The following DMD variants were observed in gnomAD, a reference collection of about 807,000 sequenced individuals.
DMD encodes the protein dystrophin, also known as mutant dystrophin.
A neutral mutation model predicts 330.1 loss-of-function variants in DMD; 63 were observed. The ratio of observed to expected loss-of-function variants is 0.19; its 90% CI spans 0.16 to 0.24. The LOEUF (loss-of-function observed/expected upper bound fraction) is 0.24, where lower values mean the gene tolerates loss of function less well. DMD is among the 10% of genes least tolerant of loss of function. The probability of loss-of-function intolerance (pLI) is 1.00; values close to 1 mark genes in which losing one functional copy is unlikely to be tolerated. For missense variants in DMD, 3,344 were observed against 2,684.1 expected (o/e 1.25, Z -5.43); for synonymous variants, 1,223 against 959.8 (o/e 1.27, Z -5.07).
At position 32,887,770 on chromosome X, in the gene DMD, A is replaced by AAAAAAAAAAAC. The variant is rs1383701636; in HGVS notation, c.94-37951_94-37950insGTTTTTTTTTT. Among the ~76,000 whole-genome samples, 292 of 70,329 alleles carry AAAAAAAAAAAC rather than the reference A, an allele frequency of 4.2e-3. 36 individuals are homozygous for AAAAAAAAAAAC. The highest frequency in any genetic ancestry group is 5.7e-3 in the Non-Finnish European group (199 of 34,615). 61.1% of individuals were successfully genotyped at this position (70,329 alleles called of 115,157 possible). On this transcript the variant is annotated intron_variant, in intron 2 of 78. Coordinates refer to ENST00000357033, the MANE Select transcript of DMD (RefSeq NM_004006.3). The stretch of plus-strand genomic sequence containing the variant: ...CAAAAAAAAAAAAAAAAAAAAAAAA[A>AAAAAAAAAAAC]AAAAAACATCAACTAAAAGCTTATG...
intron 55 of DMD, among the ~76,000 whole-genome samples, chrX:31,574,906 T>C (rs376968235): frequency 1.8e-5 from 2 of 112,128 alleles, no homozygotes; most frequent in East Asian, 2.8e-4. Flanking sequence ...GAAAATGCTA[T>C]GTTCAAATGA....
chrX:32,807,954 A>T (rs1264291215), intron 7 of DMD, among the ~76,000 whole-genome samples: 1 of 112,384 alleles, frequency 8.9e-6, no homozygotes, highest in African/African-American at 3.2e-5. Context: ...AATAAAAAAC[A>T]AACATATTAA....
intron 60 of DMD, among the ~76,000 whole-genome samples, chrX:31,389,633 A>T (rs912010308): frequency 6.2e-5 from 7 of 112,345 alleles, no homozygotes; most frequent in African/African-American, 2.3e-4. Context: ...GCCCTACTTC[A>T]CACAGTTAGG....
intron 1 of DMD, among the ~76,000 whole-genome samples, chrX:33,160,731 G>A (rs2048730448): frequency 1.8e-5 from 2 of 111,474 alleles, no homozygotes; most frequent in South Asian, 3.8e-4. Context: ...CTCTCAAAGG[G>A]TGTTGAGTAG....
chrX:32,686,578 A>AAAAGAAAAG (rs1556919374), intron 9 of DMD, among the ~76,000 whole-genome samples: 8 of 105,641 alleles, frequency 7.6e-5, no homozygotes, highest in African/African-American at 2.8e-4. Context: ...AAAAAAAAAA[A>AAAAGAAAAG]AAAAGAAAAG....
At chrX:32,501,579 A>G (rs2044057120) in intron 19 of DMD, among the ~76,000 whole-genome samples, 176 bp downstream of exon 19, 1 of 111,743 alleles carries the variant, frequency 8.9e-6, no homozygotes, top group Non-Finnish European at 1.9e-5. Context: ...TCAAAGTTGA[A>G]TTTCTCCTAA....
At chrX:32,677,602 C>A (rs887881624) in intron 9 of DMD, among the ~76,000 whole-genome samples, 1 of 111,574 alleles carries the variant, frequency 9.0e-6, no homozygotes, top group African/African-American at 3.2e-5. Context: ...CAATAACTTA[C>A]AAGAAAATAC....
chrX:32,067,760 C>T (rs1451266085), intron 44 of DMD, among the ~76,000 whole-genome samples: 3 of 111,840 alleles, frequency 2.7e-5, no homozygotes, highest in Non-Finnish European at 5.6e-5. Context: ...CCAACGTTGA[C>T]GGACACCTAT....
chrX:32,755,372 G>A (rs1603363024), intron 7 of DMD, among the ~76,000 whole-genome samples: 3 of 111,138 alleles, frequency 2.7e-5, no homozygotes, highest in African/African-American at 9.8e-5. Flanking sequence ...ATACGGAAGT[G>A]AGCACACAAT....
rs147979252 is a variant in DMD, at chrX:32,675,776, G to A, written c.960+22094C>T. Among the ~76,000 whole-genome samples, 468 of 111,690 alleles carry A rather than the reference G, an allele frequency of 4.2e-3. 4 individuals carry two copies. The highest frequency in any genetic ancestry group is 0.014 in the African/African-American group (442 of 30,857). The stretch of plus-strand genomic sequence containing the variant: ...TATCAATTTTCTCAAGTGTAAAATG[G>A]ATATATTAACAGAATCTTCTCAATA... On this transcript the variant is annotated intron_variant, in intron 9 of 78. Transcript: ENST00000357033.
intron 43 of DMD, among the ~76,000 whole-genome samples, chrX:32,260,009 T>G (rs908847102): frequency 5.4e-5 from 6 of 111,201 alleles, no homozygotes; most frequent in African/African-American, 1.6e-4. Flanking sequence ...TCCCAAAATT[T>G]TTTGTCTGTC....
At chrX:33,309,474 A>T (rs1043212136) in intron 1 of DMD, among the ~76,000 whole-genome samples, 3 of 111,227 alleles carry the variant, frequency 2.7e-5, no homozygotes, top group Admixed American at 9.7e-5. Context: ...TTTAAACATA[A>T]ATATAAATAA....
At chrX:33,232,962 A>T (rs1424817247) in intron 1 of DMD, among the ~76,000 whole-genome samples, 4 of 111,783 alleles carry the variant, frequency 3.6e-5, no homozygotes, top group African/African-American at 6.5e-5. Context: ...GATGTTGATC[A>T]AAGGGTACGA....
intron 43 of DMD, among the ~76,000 whole-genome samples, chrX:32,219,411 T>C (rs757339694): frequency 8.9e-5 from 10 of 112,451 alleles, no homozygotes; most frequent in Non-Finnish European, 1.5e-4. Context: ...GCAACATAGT[T>C]AGCATTGTTC....
chrX:31,749,733 T>G (rs750751066), intron 51 of DMD, among the ~76,000 whole-genome samples: 2 of 106,120 alleles, frequency 1.9e-5, no homozygotes, highest in African/African-American at 6.9e-5. Context: ...ACTTCCACAA[T>G]GGTTGAACTA....
intron 55 of DMD, among the ~76,000 whole-genome samples, chrX:31,614,941 G>C (rs1435901348): frequency 8.9e-6 from 1 of 111,909 alleles, no homozygotes; most frequent in Non-Finnish European, 1.9e-5. Flanking sequence ...CACAAGAGAG[G>C]CACTAATGTA....
intron 3 of DMD, among the ~76,000 whole-genome samples, chrX:32,846,033 T>C (rs1297933972): frequency 9.0e-6 from 1 of 111,722 alleles, no homozygotes; most frequent in Non-Finnish European, 1.9e-5. Flanking sequence ...GCTCAAACCA[T>C]TGTACATATG....
intron 1 of DMD, among the ~76,000 whole-genome samples, chrX:33,124,368 C>A (rs1351251910): frequency 1.0e-5 from 1 of 97,949 alleles, no homozygotes; most frequent in Non-Finnish European, 2.0e-5. Flanking sequence ...CCCAGCTATT[C>A]GGGAGGCTGA....
rs746034767 is a variant in DMD at position 32,863,575 on chromosome X, A to ACACACACAC, written c.94-13756_94-13755insGTGTGTGTG. On this transcript the variant is annotated intron_variant, in intron 2 of 78. Coordinates refer to ENST00000357033, the MANE Select transcript of DMD (RefSeq NM_004006.3). ...ACACACACACACACACACACACACA[A>ACACACACAC]ATACACACATATACCATGACATAAT... is the stretch of plus-strand genomic sequence containing the variant. 3.0e-3 allele frequency among the ~76,000 whole-genome samples: 207 copies of ACACACACAC among 69,971 alleles called. 4 individuals carry two copies. The highest frequency in any genetic ancestry group is 0.013 in the African/African-American group (196 of 15,538). 60.8% of individuals were successfully genotyped at this position (69,971 alleles called of 115,157 possible). A position where few individuals can be genotyped will look rare whatever the true frequency, so the allele number is the denominator to read the frequency against.
Sources: gnomAD v4.1 joint callset for allele counts (sites outside exome capture counted in the v4.1 genomes callset) on GRCh38, gnomAD v4.1.1 for gene constraint, MANE v1.5 for transcripts, NCBI Gene and HGNC (gene_info 2026-07-23, HGNC 2026-07-21) for gene names.